The following ATF3 variants were observed in gnomAD, a reference collection of about 807,000 sequenced individuals.
The protein encoded by ATF3 is activating transcription factor 3.
ATF3 carries 10 observed loss-of-function variants against 18.4 expected under a neutral mutation model. The observed-to-expected ratio is 0.54, with a 90% confidence interval of 0.34 to 0.92. The LOEUF (loss-of-function observed/expected upper bound fraction) is 0.92, where lower values mean the gene tolerates loss of function less well. Among genes scored for constraint, ATF3 ranks in the 40% least tolerant of loss-of-function variants. ATF3 has a pLI of 0.02. For missense variants in ATF3, 183 were observed against 222.3 expected (o/e 0.82, Z 1.12); for synonymous variants, 78 against 87.9 (o/e 0.89, Z 0.63).
chr1:212,598,877 G>T (rs758494255), intron 1 of ATF3, among the ~76,000 whole-genome samples: 7 of 152,114 alleles, frequency 4.6e-5, no homozygotes, highest in Non-Finnish European at 7.4e-5. Context: ...GGACACTTAG[G>T]TTGCCTCCAA....
At chr1:212,597,419 T>TATC in intron 1 of ATF3, among the ~76,000 whole-genome samples, 2 of 150,730 alleles carry the variant, frequency 1.3e-5, no homozygotes, top group East Asian at 3.9e-4. Flanking sequence ...TTACATCTAT[T>TATC]TATCTATCTA....
intron 1 of ATF3, among the ~76,000 whole-genome samples, chr1:212,599,121 T>C (rs1347997058): frequency 6.6e-6 from 1 of 152,226 alleles, no homozygotes; most frequent in East Asian, 1.9e-4. Flanking sequence ...CTCACCAGCA[T>C]TTGTTATTGT....
At chr1:212,608,502 G>C (rs1654718670), upstream of ATF3, 1 of 152,662 alleles carries the variant, frequency 6.6e-6, no homozygotes, top group Admixed American at 6.5e-5. Context: ...GCGGGCTGGT[G>C]TGTGTCTCAG....
intron 1 of ATF3, among the ~76,000 whole-genome samples, chr1:212,600,643 C>A: frequency 6.6e-6 from 1 of 152,226 alleles, no homozygotes; most frequent in Non-Finnish European, 1.5e-5. Flanking sequence ...GCTCAACATC[C>A]AGCTCGACAG....
chr1:212,577,026 C>T (rs1238086719), intron 1 of ATF3, among the ~76,000 whole-genome samples: 2 of 151,996 alleles, frequency 1.3e-5, no homozygotes, highest in East Asian at 1.9e-4. Context: ...CCACCGAGCC[C>T]GGCCCAAAAT....
At position 212,618,246 on chromosome 1, in the gene ATF3, C is replaced by A. The variant is rs953930630; in HGVS notation, c.348+12C>A. On this transcript the variant is annotated intron_variant, in intron 3 of 3. Coordinates refer to ENST00000341491, the MANE Select transcript of ATF3 (RefSeq NM_001674.4). This position sits in a 1 kb window ranked among gnomAD's most constrained non-coding sequence, Gnocchi z 4.4. ...AGTGCCTGCAGAAAGTGAGTGCCTTCTAGCCTTACCCTTCCTCTCGCTCAC... is the reference window on the plus strand; with the variant it reads ...AGTGCCTGCAGAAAGTGAGTGCCTTATAGCCTTACCCTTCCTCTCGCTCAC... 22 of 1,612,810 alleles carry A rather than the reference C, an allele frequency of 1.4e-5. No individual in the cohort carries two copies. In the African/African-American group the frequency reaches 2.0e-4, roughly 15 times the overall value.
intron 1 of ATF3, among the ~76,000 whole-genome samples, chr1:212,592,691 G>T (rs1188662709): frequency 6.6e-6 from 1 of 151,778 alleles, no homozygotes; most frequent in Admixed American, 6.6e-5. Flanking sequence ...AGATCTAGGG[G>T]CCGGATTGCA....
At position 212,596,463 on chromosome 1, in the gene ATF3, C is replaced by G. The variant is rs116610887; in HGVS notation, c.-4-18555C>G. ...TTTACAACCTAAATAGAACAAGCCT[C>G]AGTTGTGTGGGAGTTCATTGCTTTG... On this transcript the variant is annotated intron_variant, in intron 1 of 3. Coordinates refer to the ATF3 transcript ENST00000366981. Among the ~76,000 whole-genome samples the G allele has an allele frequency of 5.4e-4, 83 of 152,346 alleles. 1 individual carries two copies. The highest frequency in any genetic ancestry group is 1.9e-3 in the African/African-American group (80 of 41,578).
At chr1:212,567,907 C>A (rs1159781530) in intron 1 of ATF3, among the ~76,000 whole-genome samples, 1 of 152,166 alleles carries the variant, frequency 6.6e-6, no homozygotes, top group Admixed American at 6.5e-5. Flanking sequence ...CAGTCCTGTT[C>A]CAGAACTGAA....
chr1:212,585,725 C>T (rs1664767992), intron 1 of ATF3, among the ~76,000 whole-genome samples: 1 of 152,186 alleles, frequency 6.6e-6, no homozygotes, highest in Non-Finnish European at 1.5e-5. Context: ...TGAAGGGTTA[C>T]AGGATCATTT....
intron 1 of ATF3, among the ~76,000 whole-genome samples, chr1:212,591,113 G>A (rs1437922167): frequency 3.3e-5 from 5 of 152,152 alleles, no homozygotes; most frequent in Non-Finnish European, 7.3e-5. Context: ...TCCCTTTCTG[G>A]AGAGATACAT....
intron 1 of ATF3, among the ~76,000 whole-genome samples, chr1:212,568,250 TA>T (rs1664418045): frequency 6.6e-6 from 1 of 152,240 alleles, no homozygotes; most frequent in Non-Finnish European, 1.5e-5. Context: ...TACATTCACT[TA>T]TACATAAGTT....
At chr1:212,585,793 G>GGTGT (rs10622913) in intron 1 of ATF3, among the ~76,000 whole-genome samples, 62 of 151,258 alleles carry the variant, frequency 4.1e-4, no homozygotes, top group African/African-American at 7.3e-4. Context: ...CTCAGTTCTA[G>GGTGT]GTGTGTGTGT....
At chr1:212,569,085 A>G (rs1664434006) in intron 1 of ATF3, among the ~76,000 whole-genome samples, 1 of 152,238 alleles carries the variant, frequency 6.6e-6, no homozygotes, top group Non-Finnish European at 1.5e-5. Context: ...CCCTTACAGA[A>G]TAAACTTATT....
intron 1 of ATF3, among the ~76,000 whole-genome samples, chr1:212,568,643 C>T (rs1664425627): frequency 6.6e-6 from 1 of 152,114 alleles, no homozygotes; most frequent in Non-Finnish European, 1.5e-5. Flanking sequence ...TGGTCCCATC[C>T]CAAATATTTG....
intron 1 of ATF3, among the ~76,000 whole-genome samples, chr1:212,596,612 G>A (rs975318481): frequency 2.0e-5 from 3 of 152,166 alleles, no homozygotes; most frequent in Non-Finnish European, 4.4e-5. Flanking sequence ...TGCTGTGGGG[G>A]GTGTGAAAGT....
chr1:212,619,019 C>T lies in ATF3; in HGVS notation c.349-339C>T. The stretch of plus-strand genomic sequence containing the variant: ...GATCTGTGACTCAGAATCGACTAAG[C>T]CACCATAAGTCTGGATTTCTCCCCA... On this transcript the variant is annotated intron_variant, in intron 3 of 3. Coordinates refer to ENST00000341491, the MANE Select transcript of ATF3 (RefSeq NM_001674.4). The surrounding 1 kb of genome is among the most constrained non-coding windows in gnomAD (Gnocchi z 4.4). 6 of 1,614,002 alleles carry T rather than the reference C, an allele frequency of 3.7e-6. No individual in the cohort carries two copies. The highest frequency in any genetic ancestry group is 5.1e-6 in the Non-Finnish European group (6 of 1,179,914).
intron 1 of ATF3, among the ~76,000 whole-genome samples, chr1:212,575,613 A>C (rs934887881): frequency 1.3e-5 from 2 of 152,098 alleles, no homozygotes; most frequent in East Asian, 3.8e-4. Context: ...AATGTCTCTA[A>C]AATAGTACCA....
intron 2 of ATF3, among the ~76,000 whole-genome samples, chr1:212,616,442 G>T (rs1267080067): frequency 6.6e-6 from 1 of 152,090 alleles, no homozygotes; most frequent in African/African-American, 2.4e-5. Context: ...GATTACAGGT[G>T]CCCGCCACAC....
Sources: allele counts gnomAD v4.1 joint callset (sites outside exome capture counted in the v4.1 genomes callset), GRCh38; gene constraint gnomAD v4.1.1; non-coding constraint Gnocchi (gnomAD v3.1); transcripts MANE v1.5; gene names NCBI Gene and HGNC (gene_info 2026-07-23, HGNC 2026-07-21).